GPC6: variants seen among roughly 807,000 people sequenced by gnomAD.
GPC6 encodes glypican 6.
Under a neutral mutation model 55.2 loss-of-function variants are expected in GPC6, and 14 were observed. That is an observed-to-expected ratio of 0.25 (90% confidence interval 0.17 to 0.40). The LOEUF (loss-of-function observed/expected upper bound fraction) is 0.40, where lower values mean the gene tolerates loss of function less well. Ranked by LOEUF, GPC6 falls within the 10% of genes least tolerant of loss-of-function variation. The pLI, the probability that GPC6 is intolerant of heterozygous loss-of-function variation, is 1.00. For missense variants in GPC6, 641 were observed against 708.5 expected, an observed-to-expected ratio of 0.90 and a Z score of 1.08; for synonymous variants, 278 against 259.6, an observed-to-expected ratio of 1.07 and a Z score of -0.68.
At chr13:93,905,923 A>G (rs1876639548) in intron 3 of GPC6, among the ~76,000 whole-genome samples, 1 of 152,214 alleles carries the variant, frequency 6.6e-6, no homozygotes, top group Non-Finnish European at 1.5e-5. Context: ...GTCATGGTTT[A>G]TTTCTCTGAA....
chr13:93,334,565 C>T (rs971847005), intron 1 of GPC6, among the ~76,000 whole-genome samples: 15 of 152,104 alleles, frequency 9.9e-5, no homozygotes, highest in African/African-American at 2.9e-4. Flanking sequence ...TGGGTTCAAG[C>T]GATTCCCCTG....
intron 2 of GPC6, among the ~76,000 whole-genome samples, chr13:93,758,750 T>G (rs950261309): frequency 6.6e-5 from 10 of 152,134 alleles, no homozygotes; most frequent in African/African-American, 2.4e-4. Flanking sequence ...CCATAGAAGT[T>G]GAACACTGAA....
intron 1 of GPC6, among the ~76,000 whole-genome samples, chr13:93,399,667 C>T (rs1408949316): frequency 6.6e-6 from 1 of 152,144 alleles, no homozygotes; most frequent in Non-Finnish European, 1.5e-5. Flanking sequence ...TGAATTTCTT[C>T]CCTCGGTAAG....
intron 2 of GPC6, among the ~76,000 whole-genome samples, chr13:93,596,217 A>G (rs1877720735): frequency 6.6e-6 from 1 of 152,164 alleles, no homozygotes; most frequent in South Asian, 2.1e-4. Flanking sequence ...GAGAGGAGCA[A>G]TGGAAGAGAC....
intron 3 of GPC6, among the ~76,000 whole-genome samples, chr13:93,908,204 C>T (rs1335833977): frequency 6.6e-6 from 1 of 152,034 alleles, no homozygotes; most frequent in Non-Finnish European, 1.5e-5. Flanking sequence ...GGCAGATTAA[C>T]CAAGTGTGAG....
chr13:93,396,918 C>T (rs1319000064), intron 1 of GPC6, among the ~76,000 whole-genome samples: 1 of 152,100 alleles, frequency 6.6e-6, no homozygotes, highest in Non-Finnish European at 1.5e-5. Context: ...TATTATGCAA[C>T]TTTTCATCCT....
At chr13:93,860,528 T>C (rs1888776587) in intron 3 of GPC6, among the ~76,000 whole-genome samples, 1 of 151,624 alleles carries the variant, frequency 6.6e-6, no homozygotes, top group South Asian at 2.1e-4. Flanking sequence ...TACACAAATA[T>C]ATGTGGGTGA....
intron 1 of GPC6, among the ~76,000 whole-genome samples, chr13:93,374,394 T>C (rs1010833606): frequency 6.6e-6 from 1 of 152,034 alleles, no homozygotes; most frequent in East Asian, 1.9e-4. Flanking sequence ...AGTTGATGAG[T>C]GGCAAGGTGA....
intron 2 of GPC6, among the ~76,000 whole-genome samples, chr13:93,827,645 A>C (rs1022112485): frequency 2.0e-5 from 3 of 152,234 alleles, no homozygotes; most frequent in Non-Finnish European, 4.4e-5. Flanking sequence ...CAGTGAAGTT[A>C]ATAGAAAACT....
At chr13:93,929,519 C>T (rs1878046047) in intron 3 of GPC6, among the ~76,000 whole-genome samples, 1 of 152,106 alleles carries the variant, frequency 6.6e-6, no homozygotes, top group South Asian at 2.1e-4. Flanking sequence ...CAATTATGCT[C>T]TGAGTTTATG....
intron 1 of GPC6, among the ~76,000 whole-genome samples, chr13:93,433,321 T>C (rs1051958711): frequency 1.3e-5 from 2 of 152,192 alleles, no homozygotes; most frequent in Non-Finnish European, 2.9e-5. Flanking sequence ...TATGGGCAGG[T>C]CTTTAGCCAG....
At chr13:94,066,384 T>A (rs778114837) in intron 4 of GPC6, among the ~76,000 whole-genome samples, 1 of 152,158 alleles carries the variant, frequency 6.6e-6, no homozygotes, top group Non-Finnish European at 1.5e-5. Context: ...TGTAAATATA[T>A]AACTCATGTA....
chr13:93,225,508 G>GTTTTT (rs66479937), upstream of GPC6, among the ~76,000 whole-genome samples: 1 of 151,062 alleles, frequency 6.6e-6, no homozygotes, highest in African/African-American at 2.5e-5. Flanking sequence ...GTTTTGTTTT[G>GTTTTT]TTTTTTTTTT....
chr13:94,137,542 A>T (rs1258243466), intron 4 of GPC6, among the ~76,000 whole-genome samples: 1 of 152,230 alleles, frequency 6.6e-6, no homozygotes, highest in Non-Finnish European at 1.5e-5. Context: ...TTCCAGGCAG[A>T]GACAAGGGAA....
intron 1 of GPC6, among the ~76,000 whole-genome samples, chr13:93,337,025 A>G (rs1880070788): frequency 6.6e-6 from 1 of 152,228 alleles, no homozygotes; most frequent in African/African-American, 2.4e-5. Flanking sequence ...AACACACATC[A>G]GTTGTTTGTG....
At chr13:94,241,260 A>T (rs944839075) in intron 4 of GPC6, among the ~76,000 whole-genome samples, 2 of 152,144 alleles carry the variant, frequency 1.3e-5, no homozygotes, top group Non-Finnish European at 2.9e-5. Context: ...ACCACAATAA[A>T]CAAACATTTG....
chr13:94,070,612 T>C, intron 4 of GPC6, among the ~76,000 whole-genome samples: 1 of 152,236 alleles, frequency 6.6e-6, no homozygotes, highest in East Asian at 1.9e-4. Context: ...AACTATGAGA[T>C]AATTCAGTGT....
chr13:93,685,127 A>G (rs1882001031), intron 2 of GPC6, among the ~76,000 whole-genome samples: 1 of 152,186 alleles, frequency 6.6e-6, no homozygotes, highest in Non-Finnish European at 1.5e-5. Flanking sequence ...TTTAATTGCA[A>G]AAGTCTATTT....
the GPC6 span, among the ~76,000 whole-genome samples, chr13:93,219,730 T>C: frequency 1.3e-5 from 2 of 152,200 alleles, no homozygotes; most frequent in Non-Finnish European, 2.9e-5. Flanking sequence ...TTGGTTTCAA[T>C]TATTAAAAGT....
Sources: allele counts gnomAD v4.1 joint callset (sites outside exome capture counted in the v4.1 genomes callset), GRCh38; gene constraint gnomAD v4.1.1; transcripts MANE v1.5; gene names NCBI Gene and HGNC (gene_info 2026-07-23, HGNC 2026-07-21).